The following DOK5 variants were observed in gnomAD, a reference collection of about 807,000 sequenced individuals.
DOK5 encodes the protein docking protein 5.
Under a neutral mutation model 43.3 loss-of-function variants are expected in DOK5, and 27 were observed. The ratio of observed to expected loss-of-function variants is 0.62; its 90% CI spans 0.46 to 0.86. The LOEUF is 0.86. Ranked by LOEUF, DOK5 falls within the 40% of genes least tolerant of loss-of-function variation. The pLI is 0.00. For missense variants in DOK5, 373 were observed against 392.9 expected (o/e 0.95, Z 0.43); for synonymous variants, 146 against 140.1 (o/e 1.04, Z -0.30).
chr20:54,503,298 A>G (rs528907752), intron 1 of DOK5, among the ~76,000 whole-genome samples: 31 of 152,338 alleles, frequency 2.0e-4, no homozygotes, highest in Middle Eastern at 6.8e-3. Context: ...CATTTTCAAT[A>G]TATGAGTACA....
intron 5 of DOK5, among the ~76,000 whole-genome samples, chr20:54,595,137 C>T (rs571445002): frequency 4.6e-5 from 7 of 152,192 alleles, no homozygotes; most frequent in South Asian, 2.1e-4. Context: ...GTCAGGAGAT[C>T]GAGACCATCC....
At chr20:54,595,549 AC>A (rs1300241586) in intron 5 of DOK5, among the ~76,000 whole-genome samples, 1 of 151,962 alleles carries the variant, frequency 6.6e-6, no homozygotes, top group Non-Finnish European at 1.5e-5. Context: ...GACTTTGATG[AC>A]CCCTTTATGG....
intron 6 of DOK5, among the ~76,000 whole-genome samples, chr20:54,622,463 C>T (rs1384237223): frequency 6.6e-6 from 1 of 152,134 alleles, no homozygotes; most frequent in African/African-American, 2.4e-5. Context: ...GTGCTTTCAC[C>T]TGATTATTAA....
At chr20:54,516,824 G>C (rs565663160) in intron 1 of DOK5, among the ~76,000 whole-genome samples, 8 of 152,144 alleles carry the variant, frequency 5.3e-5, no homozygotes, top group African/African-American at 1.4e-4. Context: ...TACAGTCTAG[G>C]GGGTAGACCT....
chr20:54,582,676 G>A (rs1985679337), intron 2 of DOK5, among the ~76,000 whole-genome samples: 2 of 151,540 alleles, frequency 1.3e-5, no homozygotes, highest in South Asian at 4.2e-4. Context: ...ACTTTTTCTT[G>A]GTGTATCATC....
At chr20:54,595,129 C>G (rs1291888710) in intron 5 of DOK5, among the ~76,000 whole-genome samples, 1 of 152,150 alleles carries the variant, frequency 6.6e-6, no homozygotes, top group Non-Finnish European at 1.5e-5. Flanking sequence ...ATCACGAGGT[C>G]AGGAGATCGA....
intron 1 of DOK5, among the ~76,000 whole-genome samples, chr20:54,508,140 TG>T (rs1422954666): frequency 1.3e-5 from 2 of 151,606 alleles, no homozygotes; most frequent in Non-Finnish European, 2.9e-5. Flanking sequence ...AGTCAGGGGG[TG>T]TTTTAGACCC....
rs529478004 is a variant in DOK5, at chr20:54,520,650, G to A, written c.67-34283G>A. Reference sequence around the variant, plus strand: ...TAATAAAAAATTATCTGGGTGTGGTGGTGTGTGCTTATAGTCCTAGCTACT... The same window carrying A: ...TAATAAAAAATTATCTGGGTGTGGTAGTGTGTGCTTATAGTCCTAGCTACT... On this transcript the variant is annotated intron_variant, in intron 1 of 7. Transcript: ENST00000262593. Among the ~76,000 whole-genome samples the A allele has an allele frequency of 3.3e-5, 5 of 152,142 alleles. No homozygotes were observed. The East Asian group carries it at 9.7e-4, about 29-fold the overall frequency.
chr20:54,583,484 TCTC>T (rs1384620717), intron 2 of DOK5, among the ~76,000 whole-genome samples: 1 of 152,214 alleles, frequency 6.6e-6, no homozygotes, highest in East Asian at 1.9e-4. Context: ...GGTATTGAAA[TCTC>T]CTACTATTAT....
chr20:54,488,759 C>T (rs1031304972), intron 1 of DOK5, among the ~76,000 whole-genome samples: 20 of 136,712 alleles, frequency 1.5e-4, no homozygotes, highest in African/African-American at 5.7e-4. Flanking sequence ...CCCTCTTTCC[C>T]TACCCCTCCC....
At chr20:54,494,900 A>T (rs960724732) in intron 1 of DOK5, 2 of 151,536 alleles carry the variant, frequency 1.3e-5, no homozygotes, top group African/African-American at 2.4e-5. Flanking sequence ...CTGATATGTA[A>T]CTGCAAATCT....
chr20:54,615,973 C>T (rs1986796160), intron 6 of DOK5, among the ~76,000 whole-genome samples: 1 of 152,006 alleles, frequency 6.6e-6, no homozygotes, highest in African/African-American at 2.4e-5. Flanking sequence ...ATGCCTTGAC[C>T]ACAGCCAAGA....
chr20:54,559,575 C>A (rs1238136399), intron 2 of DOK5, among the ~76,000 whole-genome samples: 3 of 152,200 alleles, frequency 2.0e-5, no homozygotes. Context: ...TTGGCAACTG[C>A]AACGTTTATG....
intron 1 of DOK5, among the ~76,000 whole-genome samples, chr20:54,504,608 G>A (rs969084095): frequency 6.6e-6 from 1 of 152,186 alleles, no homozygotes; most frequent in African/African-American, 2.4e-5. Context: ...GTTGAAGGAG[G>A]ATACAGGGGT....
intron 1 of DOK5, among the ~76,000 whole-genome samples, chr20:54,537,302 A>G (rs999002376): frequency 6.6e-6 from 1 of 152,204 alleles, no homozygotes; most frequent in African/African-American, 2.4e-5. Context: ...CTCATAACAT[A>G]ATGTGCTAAA....
chr20:54,643,429 A>T, intron 6 of DOK5, 29 bp from the exon 7 acceptor site: 1 of 1,610,972 alleles, frequency 6.2e-7, no homozygotes, highest in South Asian at 1.1e-5. Flanking sequence ...AGTGTTGCTG[A>T]CGCACAACTT....
chr20:54,496,539 G>C (rs562298443), intron 1 of DOK5, among the ~76,000 whole-genome samples: 2 of 151,996 alleles, frequency 1.3e-5, no homozygotes, highest in Admixed American at 6.6e-5. Context: ...AGGCCAAGGC[G>C]GGTGGATCAG....
At chr20:54,516,677 A>G (rs1437359339) in intron 1 of DOK5, among the ~76,000 whole-genome samples, 2 of 152,280 alleles carry the variant, frequency 1.3e-5, no homozygotes, top group East Asian at 1.9e-4. Flanking sequence ...CACTGACCCA[A>G]GATATAGCCT....
chr20:54,542,779 C>T (rs561461134), intron 1 of DOK5, among the ~76,000 whole-genome samples: 7 of 152,300 alleles, frequency 4.6e-5, no homozygotes, highest in African/African-American at 1.7e-4. Context: ...CTTATTAAGA[C>T]GTTGATTTTT....
Sources: gnomAD v4.1 joint callset for allele counts (sites outside exome capture counted in the v4.1 genomes callset) on GRCh38, gnomAD v4.1.1 for gene constraint, MANE v1.5 for transcripts, NCBI Gene and HGNC (gene_info 2026-07-23, HGNC 2026-07-21) for gene names.